CDK14: variants seen among roughly 807,000 people sequenced by gnomAD.
CDK14 encodes cyclin-dependent kinase 14.
In CDK14, 34 loss-of-function variants were observed where a neutral mutation model predicts 60.7. The observed-to-expected ratio is 0.56, with a 90% CI of 0.43 to 0.75. The LOEUF (loss-of-function observed/expected upper bound fraction) is 0.75. CDK14 is among the 30% of genes least tolerant of loss of function. The pLI is 0.00. For missense variants in CDK14, 482 were observed against 564.1 expected, an observed-to-expected ratio of 0.85 and a Z score of 1.47; for synonymous variants, 197 against 203.7, an observed-to-expected ratio of 0.97 and a Z score of 0.28.
Position 90,899,365 on chromosome 7 carries a change from T to A in CDK14, c.702+12T>A. The stretch of plus-strand genomic sequence containing the variant: ...CAGATAATGTGAAGGTAGGAAAAGA[T>A]CTTTTTAAGCCAAAGGTTAGCATTC... On this transcript the variant is annotated intron_variant, in intron 7 of 14. Transcript: ENST00000380050. 3 of 1,588,300 alleles carry A rather than the reference T, an allele frequency of 1.9e-6. No homozygotes were observed. The highest frequency in any genetic ancestry group is 2.6e-6 in the Non-Finnish European group (3 of 1,167,970).
At chr7:91,002,227 A>AAAGT (rs1795857949) in intron 10 of CDK14, among the ~76,000 whole-genome samples, 1 of 152,240 alleles carries the variant, frequency 6.6e-6, no homozygotes, top group African/African-American at 2.4e-5. Context: ...TGTCTCCAAG[A>AAAGT]AAGTACAGGA....
At chr7:91,193,786 A>G (rs1261064045) in intron 14 of CDK14, among the ~76,000 whole-genome samples, 1 of 152,118 alleles carries the variant, frequency 6.6e-6, no homozygotes, top group Non-Finnish European at 1.5e-5. Context: ...TATTTTGTGT[A>G]TATGTGTATA....
chr7:90,642,910 A>T (rs567340937), intron 2 of CDK14, among the ~76,000 whole-genome samples: 11 of 152,224 alleles, frequency 7.2e-5, no homozygotes, highest in Non-Finnish European at 1.2e-4. Context: ...AAATGAACTC[A>T]TACTGAATAC....
chr7:90,662,329 C>A (rs1009536209), intron 2 of CDK14, among the ~76,000 whole-genome samples: 2 of 152,154 alleles, frequency 1.3e-5, no homozygotes, highest in African/African-American at 4.8e-5. Context: ...TGAACCAGCA[C>A]CCAGGTTATG....
intron 2 of CDK14, among the ~76,000 whole-genome samples, chr7:90,712,827 C>G (rs879470765): frequency 6.6e-6 from 1 of 152,038 alleles, no homozygotes; most frequent in Non-Finnish European, 1.5e-5. Context: ...CTTGTGTCTC[C>G]TTTCTCTATT....
intron 12 of CDK14, among the ~76,000 whole-genome samples, chr7:91,084,568 C>T (rs1239570672): frequency 1.3e-5 from 2 of 152,232 alleles, no homozygotes; most frequent in Admixed American, 1.3e-4. Flanking sequence ...AGGTTAAGCC[C>T]TGTCATTTTG....
intron 4 of CDK14, among the ~76,000 whole-genome samples, chr7:90,779,922 T>C (rs776062522): frequency 2.6e-5 from 4 of 152,222 alleles, no homozygotes; most frequent in Non-Finnish European, 4.4e-5. Context: ...CAGTTACATG[T>C]CAATCTTTTA....
chr7:90,756,480 T>C (rs1048855043), intron 4 of CDK14, among the ~76,000 whole-genome samples: 2 of 152,208 alleles, frequency 1.3e-5, no homozygotes, highest in African/African-American at 2.4e-5. Context: ...AGGTATTAAT[T>C]TATCTTGTTA....
chr7:90,748,411 A>G (rs1803684511), intron 4 of CDK14, among the ~76,000 whole-genome samples: 1 of 152,204 alleles, frequency 6.6e-6, no homozygotes, highest in Admixed American at 6.5e-5. Context: ...TTATTAATTA[A>G]GGACAGAGAG....
At chr7:90,793,571 A>G (rs774289009) in intron 5 of CDK14, among the ~76,000 whole-genome samples, 2 of 152,210 alleles carry the variant, frequency 1.3e-5, no homozygotes, top group Admixed American at 6.5e-5. Context: ...TGCAGTGAAC[A>G]GGAGGAATAG....
chr7:90,870,162 G>T (rs1288433032), intron 6 of CDK14, among the ~76,000 whole-genome samples: 1 of 152,190 alleles, frequency 6.6e-6, no homozygotes, highest in Admixed American at 6.5e-5. Flanking sequence ...ATACTATGCA[G>T]TCATAACAAA....
intron 2 of CDK14, among the ~76,000 whole-genome samples, chr7:90,614,678 G>T (rs970598516): frequency 6.6e-6 from 1 of 151,872 alleles, no homozygotes; most frequent in Non-Finnish European, 1.5e-5. Context: ...GAACTCCTGG[G>T]CTCAAGCAGT....
intron 5 of CDK14, among the ~76,000 whole-genome samples, chr7:90,810,716 C>T (rs911574781): frequency 1.4e-4 from 21 of 151,912 alleles, no homozygotes; most frequent in African/African-American, 5.1e-4. Context: ...TCTAGAAAAC[C>T]CCATCGTCTC....
At chr7:91,002,760 C>G (rs1162347284) in intron 10 of CDK14, among the ~76,000 whole-genome samples, 1 of 152,126 alleles carries the variant, frequency 6.6e-6, no homozygotes, top group Non-Finnish European at 1.5e-5. Flanking sequence ...ATTAATTTAT[C>G]TTCTTGGATG....
chr7:91,089,636 T>TA (rs1798746089), intron 12 of CDK14, among the ~76,000 whole-genome samples: 1 of 151,958 alleles, frequency 6.6e-6, no homozygotes. Flanking sequence ...TATATATATA[T>TA]TTTCCGATAG....
chr7:91,079,149 T>A (rs1798410132), intron 11 of CDK14, among the ~76,000 whole-genome samples: 1 of 152,204 alleles, frequency 6.6e-6, no homozygotes, highest in African/African-American at 2.4e-5. Flanking sequence ...CATTTCTTTT[T>A]TCAACTCAAT....
intron 2 of CDK14, among the ~76,000 whole-genome samples, chr7:90,690,939 A>T (rs1250227945): frequency 6.6e-6 from 1 of 152,152 alleles, no homozygotes; most frequent in African/African-American, 2.4e-5. Flanking sequence ...CAGAATAAAC[A>T]ATGATAAGTT....
intron 5 of CDK14, among the ~76,000 whole-genome samples, chr7:90,845,623 C>T (rs1343570088): frequency 2.0e-5 from 3 of 151,922 alleles, no homozygotes; most frequent in African/African-American, 4.8e-5. Context: ...GTGTCACTTA[C>T]GTTTGAATAC....
chr7:91,047,660 A>C (rs1432204372), intron 11 of CDK14, among the ~76,000 whole-genome samples: 1 of 152,218 alleles, frequency 6.6e-6, no homozygotes, highest in Non-Finnish European at 1.5e-5. Context: ...AATGCATAGA[A>C]GGTAATGGGG....
Sources: allele counts gnomAD v4.1 joint callset (sites outside exome capture counted in the v4.1 genomes callset), GRCh38; gene constraint gnomAD v4.1.1; transcripts MANE v1.5; gene names NCBI Gene and HGNC (gene_info 2026-07-23, HGNC 2026-07-21).